Variants in NSMCE2 observed in about 807,000 individuals in gnomAD.
The protein encoded by NSMCE2 is NSE2 SUMO ligase component of SMC5/6 complex.
A neutral mutation model predicts 23.8 loss-of-function variants in NSMCE2; 24 were observed. The ratio of observed to expected loss-of-function variants is 1.01; its 90% CI spans 0.73 to 1.42. The LOEUF is 1.42. Ranked by LOEUF, NSMCE2 falls within the 40% of genes most tolerant of loss-of-function variation. NSMCE2 has a pLI of 0.00. For synonymous variants in NSMCE2, 92 were observed against 94.1 expected, an observed-to-expected ratio of 0.98 and a Z score of 0.13; for missense variants, 284 against 296.5, an observed-to-expected ratio of 0.96 and a Z score of 0.31.
chr8:125,256,961 A>AAAAG (rs1554626869), intron 5 of NSMCE2, among the ~76,000 whole-genome samples: 2 of 110,804 alleles, frequency 1.8e-5, no homozygotes, highest in Non-Finnish European at 1.8e-5. Flanking sequence ...AAAAAAAAAG[A>AAAAG]GGGCTGAAGG....
chr8:125,291,604 C>T (rs1399910137), intron 5 of NSMCE2, among the ~76,000 whole-genome samples: 1 of 152,060 alleles, frequency 6.6e-6, no homozygotes, highest in Non-Finnish European at 1.5e-5. Context: ...GATGATACAC[C>T]GGGATGTGTT....
At chr8:125,216,779 G>A (rs1343549017) in intron 5 of NSMCE2, among the ~76,000 whole-genome samples, 3 of 152,086 alleles carry the variant, frequency 2.0e-5, no homozygotes, top group Non-Finnish European at 4.4e-5. Flanking sequence ...AGGTTTTAAT[G>A]TTCTTTTTGT....
intron 3 of NSMCE2, among the ~76,000 whole-genome samples, chr8:125,140,426 G>C (rs548452405): frequency 6.4e-4 from 98 of 152,296 alleles, no homozygotes; most frequent in Middle Eastern, 3.4e-3. Flanking sequence ...ACTTTGGGAG[G>C]CCAAGGCGGG....
chr8:125,146,695 A>C (rs919665896), intron 3 of NSMCE2, among the ~76,000 whole-genome samples: 4 of 152,268 alleles, frequency 2.6e-5, no homozygotes, highest in Admixed American at 6.5e-5. Context: ...GAATTGAACA[A>C]TGAGAACACA....
At chr8:125,318,905 T>C (rs1829315566) in intron 5 of NSMCE2, among the ~76,000 whole-genome samples, 1 of 152,094 alleles carries the variant, frequency 6.6e-6, no homozygotes, top group African/African-American at 2.4e-5. Context: ...GAAGCCAAGA[T>C]AGCTAGACTA....
At chr8:125,227,917 A>C (rs1825170073) in intron 5 of NSMCE2, among the ~76,000 whole-genome samples, 1 of 152,166 alleles carries the variant, frequency 6.6e-6, no homozygotes, top group African/African-American at 2.4e-5. Flanking sequence ...TTTGAAAAAC[A>C]TGATTTTAAA....
chr8:125,318,230 G>T (rs1202517503), intron 5 of NSMCE2, among the ~76,000 whole-genome samples: 3 of 152,178 alleles, frequency 2.0e-5, no homozygotes, highest in Non-Finnish European at 4.4e-5. Context: ...GCAACACAGT[G>T]AAACCCCATA....
At position 125,363,536 on chromosome 8, in the gene NSMCE2, GAA is replaced by G. The variant is rs1424129582; in HGVS notation, c.627-3230_627-3229del. Among the ~76,000 whole-genome samples the G allele has an allele frequency of 2.4e-4, 28 of 115,214 alleles. No homozygotes were observed. In the Admixed American group the frequency reaches 3.0e-3, roughly 12 times the overall value. The allele number at this position is 115,214 out of a possible 152,430, so 75.6% of individuals were successfully genotyped here. On this transcript the variant is annotated intron_variant, in intron 7 of 7. Coordinates refer to ENST00000287437, the MANE Select transcript of NSMCE2 (RefSeq NM_173685.4). Reference sequence around the variant, plus strand: ...AGGAAAGAGGAGAGAAAGAAAGAAAGAAAGAAAGAGAGAGAGAGAGAGAGAGG... The same window carrying G: ...AGGAAAGAGGAGAGAAAGAAAGAAAGAGAAAGAGAGAGAGAGAGAGAGAGG...
chr8:125,136,955 A>G (rs1018687312), intron 3 of NSMCE2, among the ~76,000 whole-genome samples: 46 of 152,162 alleles, frequency 3.0e-4, no homozygotes, highest in Non-Finnish European at 4.7e-4. Flanking sequence ...GTGTAAATAT[A>G]AGGAGAAATG....
At chr8:125,235,310 T>C (rs1163684929) in intron 5 of NSMCE2, among the ~76,000 whole-genome samples, 1 of 152,156 alleles carries the variant, frequency 6.6e-6, no homozygotes, top group African/African-American at 2.4e-5. Context: ...ATTTTTTTCT[T>C]CTTGATTTCC....
At chr8:125,309,906 A>C (rs1828914688) in intron 5 of NSMCE2, among the ~76,000 whole-genome samples, 1 of 152,230 alleles carries the variant, frequency 6.6e-6, no homozygotes, top group African/African-American at 2.4e-5. Context: ...AAGAAGCACC[A>C]GTCTGTGGTC....
At chr8:125,166,486 C>T (rs1274389325) in intron 4 of NSMCE2, among the ~76,000 whole-genome samples, 1 of 152,174 alleles carries the variant, frequency 6.6e-6, no homozygotes, top group Non-Finnish European at 1.5e-5. Context: ...AGGCTGGCCT[C>T]AAACTCCTGA....
intron 5 of NSMCE2, among the ~76,000 whole-genome samples, chr8:125,262,187 A>T (rs1319839428): frequency 6.6e-6 from 1 of 152,044 alleles, no homozygotes; most frequent in Non-Finnish European, 1.5e-5. Flanking sequence ...GCACTTTGGG[A>T]GGCTGAGGCA....
At chr8:125,193,333 T>C (rs1010277904) in intron 5 of NSMCE2, among the ~76,000 whole-genome samples, 2 of 152,154 alleles carry the variant, frequency 1.3e-5, no homozygotes, top group Non-Finnish European at 2.9e-5. Flanking sequence ...ATATAGTATA[T>C]CCAGACTGTG....
chr8:125,333,149 A>G (rs867393639), intron 5 of NSMCE2, among the ~76,000 whole-genome samples: 12 of 145,378 alleles, frequency 8.3e-5, no homozygotes, highest in Middle Eastern at 3.5e-3. Context: ...AGACCTAAGA[A>G]TCTAGATTTC....
intron 7 of NSMCE2, among the ~76,000 whole-genome samples, chr8:125,362,516 A>T (rs1466891825): frequency 6.6e-6 from 1 of 152,208 alleles, no homozygotes; most frequent in Non-Finnish European, 1.5e-5. Flanking sequence ...GGTGCACGGC[A>T]GGACCTGAAG....
chr8:125,271,504 A>G (rs1827189633), intron 5 of NSMCE2, among the ~76,000 whole-genome samples: 1 of 152,194 alleles, frequency 6.6e-6, no homozygotes, highest in Admixed American at 6.5e-5. Context: ...CATAGGACTG[A>G]TGTCAGCCTT....
At chr8:125,338,721 A>G (rs1028002343) in intron 5 of NSMCE2, among the ~76,000 whole-genome samples, 3 of 152,174 alleles carry the variant, frequency 2.0e-5, no homozygotes, top group African/African-American at 7.2e-5. Flanking sequence ...CAGGCAGCCT[A>G]CCCTTTCAAA....
At position 125,357,294 on chromosome 8, in the gene NSMCE2, C is replaced by A; in HGVS notation, c.494C>A (p.Thr165Asn). Residue 165 changes from threonine (T) to asparagine (N), a missense_variant, in exon 6 of 8, where the codon ACC (threonine) becomes AAC (asparagine). Physicochemically the swap from Thr to Asn is moderately conservative, Grantham distance 65. Coordinates refer to ENST00000287437, the MANE Select transcript of NSMCE2 (RefSeq NM_173685.4). ...DEDIIVTQSQTNFTCPITKEE... is the reference protein window; with the variant it reads ...DEDIIVTQSQNNFTCPITKEE... ...GATATAATTGTGACCCAAAGTCAGA[C>A]CAACTTCACCTGCCCCATTACAAAG... 1 of 1,609,760 alleles carries A rather than the reference C, an allele frequency of 6.2e-7. No homozygotes were observed. Among genetic ancestry groups the A allele is most frequent in the Non-Finnish European group, 8.5e-7 (1 of 1,175,974 alleles).
Sources: gnomAD v4.1 joint callset for allele counts (sites outside exome capture counted in the v4.1 genomes callset) on GRCh38, gnomAD v4.1.1 for gene constraint, MANE v1.5 for transcripts, NCBI Gene and HGNC (gene_info 2026-07-23, HGNC 2026-07-21) for gene names.